CAPZA2: variants seen among roughly 807,000 people sequenced by gnomAD.
CAPZA2 encodes the protein F-actin-capping protein subunit alpha-2.
Under a neutral mutation model 44.0 loss-of-function variants are expected in CAPZA2, and 13 were observed. The ratio of observed to expected loss-of-function variants is 0.30; its 90% confidence interval spans 0.19 to 0.47. The LOEUF (loss-of-function observed/expected upper bound fraction) is 0.47, where lower values mean the gene tolerates loss of function less well. Ranked by LOEUF, CAPZA2 falls within the 20% of genes least tolerant of loss-of-function variation. CAPZA2 has a pLI of 1.00. For missense variants in CAPZA2, 244 were observed against 338.6 expected (o/e 0.72, Z 2.19); for synonymous variants, 94 against 108.2 (o/e 0.87, Z 0.81).
intron 3 of CAPZA2, among the ~76,000 whole-genome samples, chr7:116,895,615 A>G (rs1460978469): frequency 6.6e-6 from 1 of 152,086 alleles, no homozygotes; most frequent in Non-Finnish European, 1.5e-5. Flanking sequence ...AACCTTTACT[A>G]GAAACTTCAG....
intron 1 of CAPZA2, among the ~76,000 whole-genome samples, chr7:116,884,869 A>G (rs970164412): frequency 6.6e-6 from 1 of 152,174 alleles, no homozygotes; most frequent in Non-Finnish European, 1.5e-5. Flanking sequence ...TTTCCACAGA[A>G]ATGTATGAGA....
intron 1 of CAPZA2, among the ~76,000 whole-genome samples, chr7:116,882,465 A>AATT (rs1015074981): frequency 6.6e-6 from 1 of 152,078 alleles, no homozygotes; most frequent in Non-Finnish European, 1.5e-5. Flanking sequence ...TTGCTTGAAG[A>AATT]ATTATTATTA....
At chr7:116,886,477 A>G (rs1796763100) in intron 1 of CAPZA2, among the ~76,000 whole-genome samples, 1 of 152,228 alleles carries the variant, frequency 6.6e-6, no homozygotes, top group Admixed American at 6.5e-5. Flanking sequence ...GTACATGCAC[A>G]CATAACACAT....
chr7:116,909,520 C>T (rs901490785), intron 6 of CAPZA2, among the ~76,000 whole-genome samples: 2 of 151,622 alleles, frequency 1.3e-5, no homozygotes, highest in Admixed American at 1.3e-4. Flanking sequence ...AAAATCATTT[C>T]AGGAGCAGAG....
At chr7:116,912,305 A>G (rs1402880293) in intron 8 of CAPZA2, among the ~76,000 whole-genome samples, 165 bp downstream of exon 8, 1 of 152,144 alleles carries the variant, frequency 6.6e-6, no homozygotes, top group African/African-American at 2.4e-5. Flanking sequence ...TGCAGCTTTG[A>G]GATATAATTT....
At chr7:116,878,753 G>A (rs1796652341) in intron 1 of CAPZA2, among the ~76,000 whole-genome samples, 1 of 152,086 alleles carries the variant, frequency 6.6e-6, no homozygotes, top group Admixed American at 6.6e-5. Flanking sequence ...TAATACATGG[G>A]CATAAGCCAC....
intron 2 of CAPZA2, 35 bp from the exon 3 acceptor site, chr7:116,892,959 A>G (rs758994476): frequency 6.9e-7 from 1 of 1,453,380 alleles, no homozygotes; most frequent in African/African-American, 1.4e-5. Context: ...GAAACATATA[A>G]CAATAATAAT....
intron 1 of CAPZA2, among the ~76,000 whole-genome samples, chr7:116,867,781 G>A (rs190798073): frequency 1.4e-4 from 21 of 152,072 alleles, no homozygotes; most frequent in East Asian, 3.9e-4. Flanking sequence ...ACAGGGTTTC[G>A]CTATGTTGCC....
chr7:116,864,965 C>G (rs575441742), intron 1 of CAPZA2, among the ~76,000 whole-genome samples: 1 of 152,160 alleles, frequency 6.6e-6, no homozygotes, highest in East Asian at 1.9e-4. Flanking sequence ...TAAGATGTGT[C>G]TAGTACCATA....
chr7:116,890,069 A>G (rs1299969983), intron 2 of CAPZA2, among the ~76,000 whole-genome samples: 2 of 152,220 alleles, frequency 1.3e-5, no homozygotes, highest in African/African-American at 4.8e-5. Context: ...GTAGCTTCCC[A>G]ATTACAATTC....
chr7:116,889,360 T>C (rs78945247), intron 2 of CAPZA2, among the ~76,000 whole-genome samples: 1 of 152,172 alleles, frequency 6.6e-6, no homozygotes, highest in Admixed American at 6.5e-5. Context: ...TTCCGTTTTT[T>C]AAACATTCTA....
chr7:116,916,013 G>A (rs1283565236), intron 8 of CAPZA2, 47 bp from the exon 9 acceptor site: 3 of 1,210,884 alleles, frequency 2.5e-6, no homozygotes, highest in Admixed American at 2.8e-5. Flanking sequence ...AAATAATAGT[G>A]GTTTAGTTTT....
At chr7:116,867,511 C>T (rs1415280217) in intron 1 of CAPZA2, among the ~76,000 whole-genome samples, 4 of 151,650 alleles carry the variant, frequency 2.6e-5, no homozygotes, top group East Asian at 3.9e-4. Flanking sequence ...ATTTTCAATA[C>T]GTATTGTTAC....
intron 1 of CAPZA2, among the ~76,000 whole-genome samples, chr7:116,865,793 G>A (rs1796475112): frequency 6.6e-6 from 1 of 152,010 alleles, no homozygotes; most frequent in Non-Finnish European, 1.5e-5. Flanking sequence ...TGTTGTCCAG[G>A]GTGGTCTCAC....
chr7:116,890,504 C>A (rs1228763464), intron 2 of CAPZA2, among the ~76,000 whole-genome samples: 1 of 59,774 alleles, frequency 1.7e-5, no homozygotes, highest in Non-Finnish European at 3.1e-5. Context: ...AACCCTGTCT[C>A]TACTTAAAAA....
intron 7 of CAPZA2, among the ~76,000 whole-genome samples, chr7:116,911,315 T>C (rs1483032160): frequency 6.6e-6 from 1 of 152,232 alleles, no homozygotes; most frequent in Non-Finnish European, 1.5e-5. Context: ...ATCAAAAAGA[T>C]AGTTTTTTAA....
intron 4 of CAPZA2, among the ~76,000 whole-genome samples, chr7:116,903,383 A>AT (rs2115956985): frequency 6.6e-6 from 1 of 152,220 alleles, no homozygotes; most frequent in African/African-American, 2.4e-5. Flanking sequence ...TTCTGTGTGT[A>AT]TGCAAGTATA....
chr7:116,905,682 G>A (rs1791489377), intron 5 of CAPZA2, among the ~76,000 whole-genome samples: 1 of 152,182 alleles, frequency 6.6e-6, no homozygotes, highest in Non-Finnish European at 1.5e-5. Flanking sequence ...AGTTAAGGGA[G>A]TACTTGTTAG....
At chr7:116,900,150 A>T (rs1796978162) in intron 4 of CAPZA2, among the ~76,000 whole-genome samples, 1 of 151,992 alleles carries the variant, frequency 6.6e-6, no homozygotes, top group South Asian at 2.1e-4. Flanking sequence ...GAATCGAAGA[A>T]AACCTCTTAA....
Sources: allele counts gnomAD v4.1 joint callset (sites outside exome capture counted in the v4.1 genomes callset), GRCh38; gene constraint gnomAD v4.1.1; transcripts MANE v1.5; gene names NCBI Gene and HGNC (gene_info 2026-07-23, HGNC 2026-07-21).